The following HDAC9 variants were observed in gnomAD, a reference collection of about 807,000 sequenced individuals.
The protein encoded by HDAC9 is histone deacetylase 9.
HDAC9 carries 41 observed loss-of-function variants against 139.4 expected under a neutral mutation model. The observed-to-expected ratio is 0.29, with a 90% confidence interval of 0.23 to 0.38. The LOEUF (loss-of-function observed/expected upper bound fraction) is 0.38. Among genes scored for constraint, HDAC9 ranks in the 10% least tolerant of loss-of-function variants. HDAC9 has a pLI of 1.00. For missense variants in HDAC9, 1,147 were observed against 1,297.0 expected (o/e 0.88, Z 1.78); for synonymous variants, 517 against 476.2 (o/e 1.09, Z -1.12).
intron 2 of HDAC9, among the ~76,000 whole-genome samples, chr7:18,511,246 G>A (rs564189213): frequency 2.1e-4 from 32 of 152,238 alleles, no homozygotes; most frequent in African/African-American, 5.5e-4. Flanking sequence ...ACTGATACCC[G>A]TAGTACCCCT....
chr7:18,960,413 G>A (rs186620362), intron 24 of HDAC9, among the ~76,000 whole-genome samples: 17 of 151,816 alleles, frequency 1.1e-4, no homozygotes, highest in Admixed American at 3.9e-4. Flanking sequence ...ACTCTTATTC[G>A]TCCTCCTCTT....
rs148250416 is a variant in HDAC9 at position 18,514,468 on chromosome 7, G to A, written c.22+18144G>A. Among the ~76,000 whole-genome samples, 214 of 152,080 alleles carry A rather than the reference G, an allele frequency of 1.4e-3. 1 individual carries two copies. The highest frequency in any genetic ancestry group is 0.012 in the South Asian group (59 of 4,808). On this transcript the variant is annotated intron_variant, in intron 2 of 25. Coordinates refer to ENST00000686413, the MANE Select transcript of HDAC9 (RefSeq NM_178425.4). ...AATTGTATTTCACTTTTAAAAATTC[G>A]GACTTATTTTGGGCTAAAATAGAAA...
Position 18,611,299 on chromosome 7 carries a change from G to T in HDAC9, c.664+17270G>T, listed in dbSNP as rs801515. Reference sequence around the variant, plus strand: ...GTCAGGAATAAATGGGTAATCAGTGGATTCTGAGATCACAACTAGCAAGAA... The same window carrying T: ...GTCAGGAATAAATGGGTAATCAGTGTATTCTGAGATCACAACTAGCAAGAA... On this transcript the variant is annotated intron_variant, in intron 6 of 25. Transcript: ENST00000686413. Among the ~76,000 whole-genome samples the T allele has an allele frequency of 6.6e-3, 1,005 of 152,120 alleles. 13 individuals carry two copies. Among genetic ancestry groups the T allele is most frequent in the African/African-American group, 0.023 (955 of 41,504 alleles).
At chr7:18,812,056 G>A (rs954106776) in intron 17 of HDAC9, among the ~76,000 whole-genome samples, 2 of 151,796 alleles carry the variant, frequency 1.3e-5, no homozygotes, top group African/African-American at 4.8e-5. Context: ...TTAATATAAT[G>A]TAAATGTCAG....
rs922129158 is a variant in HDAC9 at position 18,699,859 on chromosome 7, A to G, written c.1732-27721A>G. Reference sequence around the variant, plus strand: ...TTTTACTATTTGGTACATTTTCTTCAAAGTCCTTTTTTTGTATTTCATATA... The same window carrying G: ...TTTTACTATTTGGTACATTTTCTTCGAAGTCCTTTTTTTGTATTTCATATA... On this transcript the variant is annotated intron_variant, in intron 12 of 25. Transcript: ENST00000686413. 2.0e-5 allele frequency among the ~76,000 whole-genome samples: 3 copies of G among 152,048 alleles called. No individual in the cohort carries two copies. In the East Asian group the frequency reaches 5.8e-4, roughly 29 times the overall value.
intron 25 of HDAC9, among the ~76,000 whole-genome samples, chr7:18,992,014 G>C (rs1003083271): frequency 6.6e-6 from 1 of 152,178 alleles, no homozygotes; most frequent in Non-Finnish European, 1.5e-5. Context: ...ACTAAGTATT[G>C]CTAGCATGGG....
intron 2 of HDAC9, among the ~76,000 whole-genome samples, chr7:18,174,668 A>G (rs547073104): frequency 6.6e-6 from 1 of 152,228 alleles, no homozygotes; most frequent in African/African-American, 2.4e-5. Flanking sequence ...TGTTGATGCT[A>G]TTCCTTTCTG....
intron 1 of HDAC9, among the ~76,000 whole-genome samples, chr7:18,135,551 T>C (rs1173449996): frequency 7.5e-6 from 1 of 133,982 alleles, no homozygotes; most frequent in Non-Finnish European, 1.6e-5. Context: ...GAATATGCGG[T>C]GTTTGGTTTT....
intron 3 of HDAC9, among the ~76,000 whole-genome samples, chr7:18,588,710 T>C (rs1359603524): frequency 6.6e-6 from 1 of 152,114 alleles, no homozygotes; most frequent in East Asian, 1.9e-4. Flanking sequence ...GTGGGTGTGC[T>C]TATGTGGGGG....
chr7:18,636,105 C>T (rs1299101462), intron 8 of HDAC9, among the ~76,000 whole-genome samples: 1 of 152,084 alleles, frequency 6.6e-6, no homozygotes, highest in Admixed American at 6.5e-5. Flanking sequence ...CACATTTGCA[C>T]ACTTGAGTTT....
intron 16 of HDAC9, among the ~76,000 whole-genome samples, chr7:18,777,413 G>T (rs1002550367): frequency 1.3e-5 from 2 of 151,726 alleles, no homozygotes; most frequent in African/African-American, 4.8e-5. Flanking sequence ...CAGTTGCTCT[G>T]GCTGGTCCAT....
intron 11 of HDAC9, among the ~76,000 whole-genome samples, chr7:18,649,362 C>G (rs1788522055): frequency 6.6e-6 from 1 of 152,050 alleles, no homozygotes; most frequent in Non-Finnish European, 1.5e-5. Flanking sequence ...TATTAAAGAA[C>G]CTGGTCTGGA....
intron 8 of HDAC9, among the ~76,000 whole-genome samples, chr7:18,635,660 G>A (rs1057386704): frequency 6.6e-6 from 1 of 152,042 alleles, no homozygotes. Context: ...ACTGTGCATT[G>A]CTCTGTGCAA....
chr7:18,096,672 A>G, intron 1 of HDAC9, among the ~76,000 whole-genome samples: 1 of 152,224 alleles, frequency 6.6e-6, no homozygotes. Flanking sequence ...GTTTTCTTCC[A>G]TAGCACTGTG....
intron 15 of HDAC9, among the ~76,000 whole-genome samples, chr7:18,764,905 A>C (rs2129159204): frequency 6.6e-6 from 1 of 152,300 alleles, no homozygotes; most frequent in Middle Eastern, 3.4e-3. Context: ...TGTATCTTGA[A>C]AGACATCTAT....
intron 1 of HDAC9, among the ~76,000 whole-genome samples, chr7:18,364,214 C>T (rs1432095558): frequency 6.6e-6 from 1 of 152,120 alleles, no homozygotes; most frequent in Non-Finnish European, 1.5e-5. Context: ...TTGAGTTAAA[C>T]TGCCTGGGGC....
intron 1 of HDAC9, among the ~76,000 whole-genome samples, chr7:18,334,865 G>A (rs1488728706): frequency 2.0e-5 from 3 of 151,376 alleles, no homozygotes; most frequent in South Asian, 2.1e-4. Flanking sequence ...GATTACAGGC[G>A]GGGATGAGGT....
At chr7:18,482,380 C>CCAAAAAAAA (rs1795626272) in intron 1 of HDAC9, among the ~76,000 whole-genome samples, 1 of 32,330 alleles carries the variant, frequency 3.1e-5, no homozygotes, top group Non-Finnish European at 4.8e-5. Context: ...CTGGACTCAC[C>CCAAAAAAAA]AAAAAAAAAA....
chr7:18,329,053 T>C (rs1007217857), intron 1 of HDAC9, among the ~76,000 whole-genome samples: 59 of 151,912 alleles, frequency 3.9e-4, no homozygotes, highest in African/African-American at 1.2e-3. Flanking sequence ...ATGTTTGTAG[T>C]TCATTTGTTT....
Sources: allele counts gnomAD v4.1 joint callset (sites outside exome capture counted in the v4.1 genomes callset), GRCh38; gene constraint gnomAD v4.1.1; transcripts MANE v1.5; gene names NCBI Gene and HGNC (gene_info 2026-07-23, HGNC 2026-07-21).